GLB1L2: variants seen among roughly 807,000 people sequenced by gnomAD.
GLB1L2 encodes galactosidase beta 1 like 2.
GLB1L2 carries 68 observed loss-of-function variants against 84.1 expected under a neutral mutation model. The ratio of observed to expected loss-of-function variants is 0.81; its 90% confidence interval spans 0.67 to 0.99. GLB1L2 has a LOEUF of 0.99. Ranked by LOEUF, GLB1L2 falls within the 50% of genes least tolerant of loss-of-function variation. The pLI, the probability that GLB1L2 is intolerant of heterozygous loss-of-function variation, is 0.00. For missense variants in GLB1L2, 762 were observed against 805.6 expected, an observed-to-expected ratio of 0.95 and a Z score of 0.66; for synonymous variants, 290 against 318.0, an observed-to-expected ratio of 0.91 and a Z score of 0.94.
intron 1 of GLB1L2, among the ~76,000 whole-genome samples, chr11:134,340,073 G>C (rs1317912883): frequency 1.3e-5 from 2 of 152,176 alleles, no homozygotes; most frequent in African/African-American, 2.4e-5. Context: ...GGTCAGAGAG[G>C]CTTCTCCAAC....
At position 134,347,274 on chromosome 11, in the gene GLB1L2, C is replaced by CA. The variant is rs1026632745; in HGVS notation, c.450-48dup. 7.8e-6 allele frequency: 11 copies of CA among 1,401,948 alleles called. No homozygotes were observed. In the Admixed American group the frequency reaches 1.0e-4, roughly 13 times the overall value. The allele number at this position is 1,401,948 out of a possible 1,614,324, so 86.8% of individuals were successfully genotyped here. A position where few individuals can be genotyped will look rare whatever the true frequency, so the allele number is the denominator to read the frequency against. On this transcript the variant is annotated intron_variant, in intron 4 of 18. Transcript: ENST00000535456. ...TCACGCATCAACAGCCTGCTCACAGCAAACCCACTGTGACACTAACATCCT... is the reference window on the plus strand; with the variant it reads ...TCACGCATCAACAGCCTGCTCACAGCAAAACCCACTGTGACACTAACATCCT...
chr11:134,356,412 CG>C lies in GLB1L2; in HGVS notation c.651+20del. 1 of 1,562,974 alleles carries C rather than the reference CG, an allele frequency of 6.4e-7. No individual in the cohort carries two copies. The highest frequency in any genetic ancestry group is 8.8e-7 in the Non-Finnish European group (1 of 1,133,928). On this transcript the variant is annotated intron_variant, in intron 6 of 18. Transcript: ENST00000535456. ...CAAGAAGGTAAGAATCCTCTTAGTG[CG>C]TTTCTTTAGATTCCTTCCTCTGGAG... is the stretch of plus-strand genomic sequence containing the variant.
At chr11:134,373,935 G>A (rs1943990901) in intron 16 of GLB1L2, 127 bp downstream of exon 16, 1 of 792,130 alleles carries the variant, frequency 1.3e-6, no homozygotes, top group Non-Finnish European at 2.1e-6. Flanking sequence ...GGCCAGATCG[G>A]CTGGCCGAGG....
At chr11:134,371,542 G>T in intron 14 of GLB1L2, 50 bp downstream of exon 14, 1 of 1,176,474 alleles carries the variant, frequency 8.5e-7, no homozygotes, top group South Asian at 1.2e-5. Flanking sequence ...CTGCTTCGAG[G>T]AAGTCTGGGG....
chr11:134,351,493 C>T (rs1439975194), intron 5 of GLB1L2, among the ~76,000 whole-genome samples: 2 of 151,956 alleles, frequency 1.3e-5, no homozygotes, highest in East Asian at 3.9e-4. Context: ...TTACAAGCAC[C>T]TGCCACCATG....
chr11:134,363,907 T>G (rs1459778201), intron 7 of GLB1L2, among the ~76,000 whole-genome samples: 1 of 152,176 alleles, frequency 6.6e-6, no homozygotes, highest in Non-Finnish European at 1.5e-5. Flanking sequence ...AGACACAGTC[T>G]CACTCTGTCA....
intron 3 of GLB1L2, 50 bp downstream of exon 3, chr11:134,344,505 G>A: frequency 6.3e-7 from 1 of 1,575,754 alleles, no homozygotes; most frequent in Non-Finnish European, 8.6e-7. Flanking sequence ...GGGCACAGAG[G>A]TGGCTACTGG....
intron 7 of GLB1L2, 29 bp from the exon 8 acceptor site, chr11:134,364,299 G>GTC (rs550605133): frequency 7.5e-5 from 119 of 1,580,070 alleles, no homozygotes; most frequent in Non-Finnish European, 9.5e-5. Flanking sequence ...ACAGTGCTTT[G>GTC]TCTCTCTCTC....
Position 134,375,135 on chromosome 11 carries a change from C to A in GLB1L2, c.*77C>A. ...GACCTGAAGCCTGGTGGCTGCTGCC[C>A]CACCCCTCACTGCAAAAGCATCTCC... is the stretch of plus-strand genomic sequence containing the variant. On this transcript the variant is annotated 3_prime_UTR_variant, in exon 19 of 19. Transcript: ENST00000535456. 2 of 1,108,688 alleles carry A rather than the reference C, an allele frequency of 1.8e-6. No individual in the cohort carries two copies. The highest frequency in any genetic ancestry group is 1.4e-5 in the South Asian group (1 of 72,532). 68.7% of individuals were successfully genotyped at this position (1,108,688 alleles called of 1,614,324 possible).
intron 1 of GLB1L2, among the ~76,000 whole-genome samples, chr11:134,342,347 G>A (rs1334286286): frequency 6.6e-6 from 1 of 152,162 alleles, no homozygotes; most frequent in Non-Finnish European, 1.5e-5. Flanking sequence ...TCGGGCGGCT[G>A]CGACCGTGCC....
At position 134,370,942 on chromosome 11, in the gene GLB1L2, G is replaced by C; in HGVS notation, c.1216-66G>C. ...CTTCCACCCCATGTGCCAGCCCCCA[G>C]GCAGAGTCTGTCTGTGACCCCACTC... On this transcript the variant is annotated intron_variant, in intron 12 of 18. Transcript: ENST00000535456. This position sits in a 1 kb window ranked among gnomAD's most constrained non-coding sequence, Gnocchi z 4.7. 6.3e-7 allele frequency: 1 copy of C among 1,585,872 alleles called. No individual in the cohort carries two copies. The highest frequency in any genetic ancestry group is 1.2e-5 in the South Asian group (1 of 86,734).
At chr11:134,345,916 G>A (rs1406694623) in intron 4 of GLB1L2, among the ~76,000 whole-genome samples, 1 of 152,226 alleles carries the variant, frequency 6.6e-6, no homozygotes, top group Non-Finnish European at 1.5e-5. Context: ...AGTCTTGGCT[G>A]AGTTTGGTGT....
chr11:134,343,108 T>C (rs1005477954), intron 2 of GLB1L2, among the ~76,000 whole-genome samples, 157 bp downstream of exon 2: 4 of 152,180 alleles, frequency 2.6e-5, no homozygotes, highest in African/African-American at 9.7e-5. Context: ...TCCTGACTCA[T>C]GGGCGCCAAG....
In GLB1L2 at chr11:134,363,827, C is replaced by A. The variant is rs190117241; in HGVS notation, c.734-501C>A. Among the ~76,000 whole-genome samples the A allele has an allele frequency of 6.1e-4, 93 of 152,258 alleles. 1 individual carries two copies. Among genetic ancestry groups the A allele is most frequent in the Admixed American group, 6.1e-3 (93 of 15,288 alleles). ...GCCTCTCAGCTCTGTGCTGCTGTGG[C>A]GGAGTCTCCAAGACAACAAGATAAG... is the stretch of plus-strand genomic sequence containing the variant. On this transcript the variant is annotated intron_variant, in intron 7 of 18. Transcript: ENST00000535456.
chr11:134,363,051 T>C (rs1943818265), intron 7 of GLB1L2, among the ~76,000 whole-genome samples: 1 of 152,178 alleles, frequency 6.6e-6, no homozygotes, highest in African/African-American at 2.4e-5. Context: ...GAGATGCTTG[T>C]GTTCACTTAG....
At chr11:134,343,083 TC>T in intron 2 of GLB1L2, 132 bp downstream of exon 2, 3 of 867,996 alleles carry the variant, frequency 3.5e-6, no homozygotes, top group Non-Finnish European at 5.2e-6. Flanking sequence ...TCCCTCCTCC[TC>T]CCCACCACAG....
rs367564352 is a variant in GLB1L2 at position 134,334,505 on chromosome 11, A to G, written c.86+2358A>G. ...TAAACAGTGGTCTTTCTTAAAAATTACCTTTATTGGAGTTTAATTAATATG... is the reference window on the plus strand; with the variant it reads ...TAAACAGTGGTCTTTCTTAAAAATTGCCTTTATTGGAGTTTAATTAATATG... On this transcript the variant is annotated intron_variant, in intron 1 of 18. Coordinates refer to ENST00000535456, the MANE Select transcript of GLB1L2 (RefSeq NM_001370461.1). The surrounding 1 kb of genome is among the most constrained non-coding windows in gnomAD (Gnocchi z 4.1). Among the ~76,000 whole-genome samples, 24 of 152,072 alleles carry G rather than the reference A, an allele frequency of 1.6e-4. No individual in the cohort carries two copies. In the South Asian group the frequency reaches 4.8e-3, roughly 30 times the overall value.
chr11:134,366,821 T>G (rs1170689011), intron 8 of GLB1L2, among the ~76,000 whole-genome samples: 1 of 148,898 alleles, frequency 6.7e-6, no homozygotes, highest in Non-Finnish European at 1.5e-5. Context: ...CTGCAGCGTC[T>G]GATTTTTCTG....
intron 1 of GLB1L2, among the ~76,000 whole-genome samples, chr11:134,341,533 C>A (rs2136261354): frequency 6.6e-6 from 1 of 152,312 alleles, no homozygotes; most frequent in South Asian, 2.1e-4. Flanking sequence ...TGGAAGTTTT[C>A]TCTTTAGAAA....
Sources: allele counts gnomAD v4.1 joint callset (sites outside exome capture counted in the v4.1 genomes callset), GRCh38; gene constraint gnomAD v4.1.1; non-coding constraint Gnocchi (gnomAD v3.1); transcripts MANE v1.5; gene names NCBI Gene and HGNC (gene_info 2026-07-23, HGNC 2026-07-21).